The following THSD4 variants were observed in gnomAD, a reference collection of about 807,000 sequenced individuals.
THSD4 encodes the protein thrombospondin type 1 domain containing 4.
THSD4 carries 69 observed loss-of-function variants against 119.0 expected under a neutral mutation model. The ratio of observed to expected loss-of-function variants is 0.58; its 90% CI spans 0.48 to 0.71. THSD4 has a LOEUF of 0.71. Among genes scored for constraint, THSD4 ranks in the 30% least tolerant of loss-of-function variants. The pLI, the probability that THSD4 is intolerant of heterozygous loss-of-function variation, is 0.00. For missense variants in THSD4, 1,393 were observed against 1,391.1 expected (o/e 1.00, Z -0.02); for synonymous variants, 524 against 540.4 (o/e 0.97, Z 0.42).
chr15:71,742,805 AG>A (rs538771489), intron 11 of THSD4, among the ~76,000 whole-genome samples: 196 of 152,300 alleles, frequency 1.3e-3, no homozygotes, highest in African/African-American at 4.3e-3. Context: ...CTGTAATCCC[AG>A]TACTTTGGGA....
At chr15:71,536,137 A>T (rs2048686044) in intron 7 of THSD4, among the ~76,000 whole-genome samples, 1 of 152,170 alleles carries the variant, frequency 6.6e-6, no homozygotes, top group South Asian at 2.1e-4. Flanking sequence ...CAGATAACAA[A>T]TTTATTATCT....
chr15:71,113,398 AG>A (rs1471606630), upstream of THSD4: 1 of 152,176 alleles, frequency 6.6e-6, no homozygotes, highest in Non-Finnish European at 1.5e-5. Context: ...TTAGAGGAAG[AG>A]GGTGGGGGAT....
In THSD4 at chr15:71,408,831, G is replaced by A. The variant is rs1286229478; in HGVS notation, c.1016-2856G>A. On this transcript the variant is annotated intron_variant, in intron 6 of 17. Coordinates refer to ENST00000261862, the MANE Select transcript of THSD4 (RefSeq NM_024817.3). ...CGCACCACTGCACTCCAGCCTGAGT[G>A]ATAGAACAAGACCCTATCTCACACA... Among the ~76,000 whole-genome samples the A allele has an allele frequency of 2.0e-5, 3 of 152,266 alleles. 1 individual carries two copies. The East Asian group carries it at 5.8e-4, about 29-fold the overall frequency.
intron 3 of THSD4, 52 bp downstream of exon 3, chr15:71,154,984 A>C: frequency 6.4e-7 from 1 of 1,556,770 alleles, no homozygotes; most frequent in Non-Finnish European, 8.8e-7. Context: ...GGCTAGGGCC[A>C]CTGTGGTCAC....
intron 7 of THSD4, among the ~76,000 whole-genome samples, chr15:71,480,154 A>C (rs1291082366): frequency 6.6e-6 from 1 of 152,106 alleles, no homozygotes; most frequent in Non-Finnish European, 1.5e-5. Flanking sequence ...CTCCCACCCA[A>C]GCCTCCCAAG....
chr15:71,660,838 T>C (rs961744940), intron 8 of THSD4, 104 bp downstream of exon 8: 1 of 1,265,536 alleles, frequency 7.9e-7, no homozygotes, highest in Admixed American at 2.0e-5. Flanking sequence ...TCCCGGGGCA[T>C]GCAGGCAGTG....
intron 3 of THSD4, among the ~76,000 whole-genome samples, chr15:71,193,873 G>C (rs975886720): frequency 2.6e-5 from 4 of 152,102 alleles, no homozygotes; most frequent in Non-Finnish European, 5.9e-5. Context: ...GCCACGCCCA[G>C]CTAATTTTTT....
At chr15:71,690,834 T>C (rs7165201) in intron 8 of THSD4, among the ~76,000 whole-genome samples, 93,903 of 152,020 alleles carry the variant, frequency 0.62, 30,502 homozygotes, top group Middle Eastern at 0.73. Context: ...GGCAAAGACC[T>C]GCCCCCATGA....
intron 6 of THSD4, among the ~76,000 whole-genome samples, chr15:71,275,872 C>T (rs1234189181): frequency 2.0e-5 from 3 of 152,158 alleles, no homozygotes; most frequent in Non-Finnish European, 2.9e-5. Flanking sequence ...TCCCCTTCTG[C>T]GATGATTCTA....
At chr15:71,154,074 G>C (rs2040752943) in intron 2 of THSD4, among the ~76,000 whole-genome samples, 1 of 152,152 alleles carries the variant, frequency 6.6e-6, no homozygotes, top group Admixed American at 6.5e-5. Context: ...ACCATGCCAG[G>C]TGTTTTACCT....
At chr15:71,329,500 C>T (rs1233889073) in intron 6 of THSD4, among the ~76,000 whole-genome samples, 1 of 152,198 alleles carries the variant, frequency 6.6e-6, no homozygotes, top group Non-Finnish European at 1.5e-5. Context: ...TTGCTGCCTC[C>T]TTAACAACTT....
intron 6 of THSD4, among the ~76,000 whole-genome samples, chr15:71,409,576 T>A (rs531827877): frequency 6.6e-6 from 1 of 152,190 alleles, no homozygotes; most frequent in Non-Finnish European, 1.5e-5. Flanking sequence ...CTCTTACATC[T>A]TTTGGGCAGC....
chr15:71,666,812 T>C (rs537261379), intron 8 of THSD4, among the ~76,000 whole-genome samples: 188 of 152,374 alleles, frequency 1.2e-3, no homozygotes, highest in African/African-American at 4.2e-3. Context: ...AAGTTAACTC[T>C]GAGTTTCTGG....
chr15:71,447,630 G>A (rs11632301), intron 7 of THSD4, among the ~76,000 whole-genome samples: 51,810 of 152,138 alleles, frequency 0.34, 8,997 homozygotes, highest in Middle Eastern at 0.44. Context: ...CATAGCTACA[G>A]GCATATGTGC....
At chr15:71,187,670 C>T (rs538248394) in intron 3 of THSD4, 2 of 152,616 alleles carry the variant, frequency 1.3e-5, no homozygotes, top group South Asian at 2.1e-4. Flanking sequence ...CCGCATTTCT[C>T]ATGCAAGGCT....
rs554280779 is a variant in THSD4 at position 71,454,518 on chromosome 15, G to A, written c.1152+42695G>A. Among the ~76,000 whole-genome samples, 24 of 152,312 alleles carry A rather than the reference G, an allele frequency of 1.6e-4. No individual in the cohort carries two copies. The South Asian group carries it at 5.0e-3, about 32-fold the overall frequency. On this transcript the variant is annotated intron_variant, in intron 7 of 17. Coordinates refer to ENST00000261862, the MANE Select transcript of THSD4 (RefSeq NM_024817.3). ...AGGGCCAAGGAGCCCGAGGCCCCGC[G>A]TGTGACACCTCGCTCTTAAGATACT... is the stretch of plus-strand genomic sequence containing the variant.
At chr15:71,448,293 G>A (rs993267562) in intron 7 of THSD4, among the ~76,000 whole-genome samples, 3 of 152,228 alleles carry the variant, frequency 2.0e-5, no homozygotes, top group Non-Finnish European at 2.9e-5. Flanking sequence ...GACGCCCAGA[G>A]AAATGTCATT....
At chr15:71,516,825 C>T (rs1450227518) in intron 7 of THSD4, among the ~76,000 whole-genome samples, 1 of 152,156 alleles carries the variant, frequency 6.6e-6, no homozygotes, top group African/African-American at 2.4e-5. Flanking sequence ...TTTTGTAGTA[C>T]ATAATATATC....
chr15:71,174,617 G>A (rs1207158876), intron 3 of THSD4, among the ~76,000 whole-genome samples: 2 of 66,486 alleles, frequency 3.0e-5, no homozygotes, highest in South Asian at 6.8e-4. Flanking sequence ...CCGGAAGCTC[G>A]AACTGGGTGG....
Sources: allele counts gnomAD v4.1 joint callset (sites outside exome capture counted in the v4.1 genomes callset), GRCh38; gene constraint gnomAD v4.1.1; transcripts MANE v1.5; gene names NCBI Gene and HGNC (gene_info 2026-07-23, HGNC 2026-07-21).